SOCS6: variants seen among roughly 807,000 people sequenced by gnomAD.
SOCS6 encodes the protein STAT induced STAT inhibitor-4.
SOCS6 carries 5 observed loss-of-function variants against 27.7 expected under a neutral mutation model. That is an observed-to-expected ratio of 0.18 (90% CI 0.09 to 0.38). The LOEUF is 0.38. Among genes scored for constraint, SOCS6 ranks in the 10% least tolerant of loss-of-function variants. The pLI is 1.00. For synonymous variants in SOCS6, 271 were observed against 260.0 expected, an observed-to-expected ratio of 1.04 and a Z score of -0.41; for missense variants, 595 against 688.1, an observed-to-expected ratio of 0.86 and a Z score of 1.51.
intron 1 of SOCS6, among the ~76,000 whole-genome samples, chr18:70,305,846 A>G (rs1360819861): frequency 6.6e-6 from 1 of 151,864 alleles, no homozygotes; most frequent in Non-Finnish European, 1.5e-5. Context: ...TTGGTGTGCT[A>G]GTCGTTTTAT....
intron 1 of SOCS6, among the ~76,000 whole-genome samples, chr18:70,290,249 TCAAA>T (rs1440988801): frequency 1.3e-5 from 2 of 152,218 alleles, no homozygotes; most frequent in African/African-American, 4.8e-5. Context: ...ACATTTGGAA[TCAAA>T]CAAAAGTAAA....
intron 1 of SOCS6, among the ~76,000 whole-genome samples, chr18:70,324,030 A>G (rs899405018): frequency 3.3e-5 from 5 of 152,086 alleles, no homozygotes; most frequent in African/African-American, 9.7e-5. Context: ...CGGGCGGGGC[A>G]TGGTAGCTCA....
Position 70,327,788 on chromosome 18 carries a change from C to G in SOCS6, c.*1512C>G, listed in dbSNP as rs1045660497. On this transcript the variant is annotated 3_prime_UTR_variant, in exon 2 of 2. Transcript: ENST00000397942. ...AAACATGTAATTTGGGATGGTTCTT[C>G]CTTTGTCACTTAAAGGAAGAGATAG... 3.0e-5 allele frequency: 5 copies of G among 166,810 alleles called. No individual in the cohort carries two copies. The highest frequency in any genetic ancestry group is 1.2e-4 in the African/African-American group (5 of 41,428). The allele number at this position is 166,810 out of a possible 1,614,324, so 10.3% of individuals were successfully genotyped here. A position where few individuals can be genotyped will look rare whatever the true frequency, so the allele number is the denominator to read the frequency against.
At chr18:70,321,696 T>G (rs909644630) in intron 1 of SOCS6, among the ~76,000 whole-genome samples, 1 of 152,028 alleles carries the variant, frequency 6.6e-6, no homozygotes, top group Non-Finnish European at 1.5e-5. Flanking sequence ...TGCTTCTTCC[T>G]GTCTTCCAAT....
intron 1 of SOCS6, among the ~76,000 whole-genome samples, chr18:70,311,661 AT>A (rs1287742581): frequency 1.3e-4 from 20 of 152,182 alleles, no homozygotes; most frequent in Admixed American, 1.2e-3. Flanking sequence ...TTACTTGTAT[AT>A]ATTTTGAAAC....
chr18:70,314,267 TA>T (rs1295881692), intron 1 of SOCS6: 14 of 152,070 alleles, frequency 9.2e-5, no homozygotes, highest in Admixed American at 2.6e-4. Context: ...AAACTAAAAA[TA>T]AAAAAGTTAT....
chr18:70,301,148 A>G (rs1335858643), intron 1 of SOCS6, among the ~76,000 whole-genome samples: 3 of 152,198 alleles, frequency 2.0e-5, no homozygotes, highest in Non-Finnish European at 4.4e-5. Flanking sequence ...CTGGCAGAAG[A>G]CATAAGACTC....
intron 1 of SOCS6, among the ~76,000 whole-genome samples, chr18:70,323,409 G>A (rs1292218942): frequency 1.3e-5 from 2 of 152,282 alleles, no homozygotes; most frequent in South Asian, 2.1e-4. Flanking sequence ...TGTCATTTCA[G>A]TGTAGAACAA....
chr18:70,300,149 G>T (rs1200367269), intron 1 of SOCS6, among the ~76,000 whole-genome samples: 2 of 151,180 alleles, frequency 1.3e-5, no homozygotes, highest in Non-Finnish European at 2.9e-5. Flanking sequence ...TTTTCCTTAA[G>T]ACTTAGTCTC....
chr18:70,305,107 C>T (rs2062363636), intron 1 of SOCS6, among the ~76,000 whole-genome samples: 2 of 117,984 alleles, frequency 1.7e-5, no homozygotes, highest in East Asian at 2.6e-4. Context: ...TTGGGGAGGC[C>T]GACGCAGGAG....
intron 1 of SOCS6, among the ~76,000 whole-genome samples, chr18:70,322,705 A>G (rs1911034927): frequency 6.6e-6 from 1 of 152,162 alleles, no homozygotes; most frequent in South Asian, 2.1e-4. Context: ...TAAGTTTTTT[A>G]TTTTTTACAA....
At chr18:70,302,453 C>T (rs888917562) in intron 1 of SOCS6, among the ~76,000 whole-genome samples, 4 of 152,092 alleles carry the variant, frequency 2.6e-5, no homozygotes, top group African/African-American at 7.2e-5. Context: ...GACCCACCTG[C>T]GGGTCATGGC....
chr18:70,310,468 G>GTTTTTT (rs1306876861), intron 1 of SOCS6, among the ~76,000 whole-genome samples: 2 of 104,590 alleles, frequency 1.9e-5, no homozygotes, highest in Non-Finnish European at 3.8e-5. Flanking sequence ...TTTTTGTGGG[G>GTTTTTT]TTTTTTTTTT....
intron 1 of SOCS6, chr18:70,314,299 C>T (rs768872175): frequency 1.3e-5 from 2 of 151,634 alleles, no homozygotes; most frequent in Non-Finnish European, 2.9e-5. Context: ...GTGACTTGTA[C>T]GTATGAATTT....
intron 1 of SOCS6, among the ~76,000 whole-genome samples, chr18:70,300,155 G>GTC (rs2062341984): frequency 6.6e-6 from 1 of 151,372 alleles, no homozygotes; most frequent in Non-Finnish European, 1.5e-5. Flanking sequence ...TTAAGACTTA[G>GTC]TCTCTCTCTC....
chr18:70,297,344 AG>A (rs2062328845), intron 1 of SOCS6, among the ~76,000 whole-genome samples: 1 of 117,240 alleles, frequency 8.5e-6, no homozygotes, highest in Admixed American at 1.0e-4. Context: ...TTTAATCAGG[AG>A]GGTTTTTTTT....
chr18:70,321,406 T>A (rs1910986751), intron 1 of SOCS6, among the ~76,000 whole-genome samples: 2 of 132,636 alleles, frequency 1.5e-5, no homozygotes, highest in Admixed American at 1.9e-4. Context: ...CTGCAACCTC[T>A]GCCTCCCAGT....
Position 70,324,977 on chromosome 18 carries a change from C to T in SOCS6, c.309C>T (p.Thr103=). The stretch of plus-strand genomic sequence containing the variant: ...CTGGGAGCTCTGCCGACGAGGACAC[C>T]TTCTCCTCCTCCTCAGCACCCATAG... ...TPSGSSADED[T]FSSSSAPIVF... Residue 103 remains threonine (T), a synonymous_variant, in exon 2 of 2, where the codon ACC becomes ACT. Coordinates refer to ENST00000397942, the MANE Select transcript of SOCS6 (RefSeq NM_004232.4). 1.2e-6 allele frequency: 2 copies of T among 1,613,498 alleles called. No homozygotes were observed. Among genetic ancestry groups the T allele is most frequent in the Non-Finnish European group, 1.7e-6 (2 of 1,179,764 alleles).
intron 1 of SOCS6, among the ~76,000 whole-genome samples, chr18:70,291,952 T>G (rs2062301465): frequency 6.6e-6 from 1 of 152,184 alleles, no homozygotes; most frequent in Non-Finnish European, 1.5e-5. Context: ...GAAGTGAAAT[T>G]GTCATTAATG....
Sources: allele counts gnomAD v4.1 joint callset (sites outside exome capture counted in the v4.1 genomes callset), GRCh38; gene constraint gnomAD v4.1.1; transcripts MANE v1.5; gene names NCBI Gene and HGNC (gene_info 2026-07-23, HGNC 2026-07-21).